DAB2: variants seen among roughly 807,000 people sequenced by gnomAD.
DAB2 encodes the protein DAB adaptor protein 2.
A neutral mutation model predicts 71.6 loss-of-function variants in DAB2; 28 were observed. That is an observed-to-expected ratio of 0.39 (90% confidence interval 0.29 to 0.54). The LOEUF is 0.54. Among genes scored for constraint, DAB2 ranks in the 20% least tolerant of loss-of-function variants. The pLI is 0.68. For missense variants in DAB2, 867 were observed against 928.8 expected, an observed-to-expected ratio of 0.93 and a Z score of 0.86; for synonymous variants, 345 against 339.7, an observed-to-expected ratio of 1.02 and a Z score of -0.17.
Position 39,390,426 on chromosome 5 carries a change from T to A in DAB2, c.462+18A>T, listed in dbSNP as rs1755200287. 1 of 1,612,494 alleles carries A rather than the reference T, an allele frequency of 6.2e-7. No homozygotes were observed. Among genetic ancestry groups the A allele is most frequent in the Non-Finnish European group, 8.5e-7 (1 of 1,179,402 alleles). On this transcript the variant is annotated intron_variant, in intron 5 of 14. Transcript: ENST00000320816. ...CAGAGGACAAGTCCCCAGGTCTATG[T>A]CAAGACTTAGAGCTCACCTGTTGCC... is the stretch of plus-strand genomic sequence containing the variant.
chr5:39,375,337 A>G (rs932148903), intron 13 of DAB2, among the ~76,000 whole-genome samples: 3 of 152,194 alleles, frequency 2.0e-5, no homozygotes, highest in Non-Finnish European at 2.9e-5. Context: ...TTCACAGGCT[A>G]TAGAAATATT....
chr5:39,381,060 T>C (rs1448617325), intron 11 of DAB2, among the ~76,000 whole-genome samples: 1 of 152,196 alleles, frequency 6.6e-6, no homozygotes, highest in Non-Finnish European at 1.5e-5. Context: ...TGAAAGGACA[T>C]AGGCCTTCGA....
Position 39,383,287 on chromosome 5 carries a change from A to G in DAB2, c.688-16T>C. The G allele has an allele frequency of 1.9e-6, 3 of 1,565,186 alleles. No homozygotes were observed. Among genetic ancestry groups the G allele is most frequent in the Non-Finnish European group, 2.6e-6 (3 of 1,154,284 alleles). On this transcript the variant is annotated splice_polypyrimidine_tract_variant and intron_variant, in intron 9 of 14. Transcript: ENST00000320816. ...CTTTGCTTTCCTATCACATTTGGAA[A>G]GAAAAAAAAAGAAAGTGTTAGTCCA...
intron 1 of DAB2, among the ~76,000 whole-genome samples, chr5:39,412,694 T>G (rs1441019087): frequency 6.6e-6 from 1 of 152,130 alleles, no homozygotes; most frequent in African/African-American, 2.4e-5. Context: ...CTAATGTTTA[T>G]TGTATACCAG....
At chr5:39,419,879 C>A (rs547403466) in intron 1 of DAB2, among the ~76,000 whole-genome samples, 4 of 152,320 alleles carry the variant, frequency 2.6e-5, no homozygotes, top group Non-Finnish European at 4.4e-5. Context: ...AATCTTTCTG[C>A]ATCCTAAGAT....
chr5:39,407,264 C>A (rs1217407340), intron 1 of DAB2, among the ~76,000 whole-genome samples: 1 of 152,114 alleles, frequency 6.6e-6, no homozygotes, highest in African/African-American at 2.4e-5. Context: ...CTGTTGCCCA[C>A]GCTGGAGTGC....
Position 39,377,203 on chromosome 5 carries a change from A to G in DAB2, c.1584T>C (p.Ala528=). 1.9e-6 allele frequency: 3 copies of G among 1,614,146 alleles called. No homozygotes were observed. Among genetic ancestry groups the G allele is most frequent in the Non-Finnish European group, 1.7e-6 (2 of 1,179,994 alleles). The change falls in exon 12 of 15, where the codon GCT becomes GCC. Residue 528 remains alanine, a synonymous_variant. Transcript: ENST00000320816. The stretch of plus-strand genomic sequence containing the variant: ...GTTGACCACCCATCATGGCTCCCGG[A>G]GCCATTGAAGGGGACTGATTGAAGA... ...SLVFNQSPSM[A]PGAMMGGQPS... is the part of the protein sequence containing the mutation.
At chr5:39,404,077 C>G (rs1289058011) in intron 1 of DAB2, among the ~76,000 whole-genome samples, 1 of 151,936 alleles carries the variant, frequency 6.6e-6, no homozygotes, top group African/African-American at 2.4e-5. Flanking sequence ...AATAGTGCCA[C>G]AATAAACATA....
intron 10 of DAB2, among the ~76,000 whole-genome samples, chr5:39,382,141 C>T (rs905628581): frequency 1.1e-4 from 17 of 152,024 alleles, no homozygotes; most frequent in African/African-American, 4.1e-4. Context: ...AATACATAAG[C>T]TTAGAAAAAG....
At chr5:39,421,929 G>A (rs34793804) in intron 1 of DAB2, among the ~76,000 whole-genome samples, 2 of 151,106 alleles carry the variant, frequency 1.3e-5, no homozygotes, top group Non-Finnish European at 2.9e-5. Context: ...TATTATCCAG[G>A]TATGGTGGCG....
chr5:39,404,389 T>C (rs1440310998), intron 1 of DAB2, among the ~76,000 whole-genome samples: 3 of 112,700 alleles, frequency 2.7e-5, no homozygotes, highest in African/African-American at 1.0e-4. Context: ...AAACTTAAAG[T>C]ATAATAAAAA....
chr5:39,381,663 G>GTGAA, intron 10 of DAB2, 47 bp from the exon 11 acceptor site: 1 of 1,603,070 alleles, frequency 6.2e-7, no homozygotes, highest in South Asian at 1.1e-5. Context: ...CTCACTAACA[G>GTGAA]TGAAATACAG....
intron 4 of DAB2, among the ~76,000 whole-genome samples, chr5:39,390,801 A>AT (rs1406171485): frequency 2.0e-5 from 3 of 152,240 alleles, no homozygotes; most frequent in Non-Finnish European, 2.9e-5. Context: ...CCTTCTTAAA[A>AT]TATTGATACT....
chr5:39,382,938 C>T lies in DAB2; in HGVS notation c.1021G>A (p.Asp341Asn). The change falls in exon 10 of 15, where the codon GAC (aspartate) becomes AAC (asparagine). Residue 341 changes from aspartate (D) to asparagine (N), a missense_variant. By Grantham distance (23) the Asp-to-Asn change is conservative. Around this residue, in one of 2 missense-constraint regions of DAB2, gnomAD observed 740 missense variants for 734.3 expected, o/e 1.01. Transcript: ENST00000320816. Reference sequence around the variant, plus strand: ...TGGTCAAATTGCTGACCAAAGTAGTCAACATCACCATTCAGGGGCCCATTA... The same window carrying T: ...TGGTCAAATTGCTGACCAAAGTAGTTAACATCACCATTCAGGGGCCCATTA... ...LSNGPLNGDV[D>N]YFGQQFDQIS... 6.2e-7 allele frequency: 1 copy of T among 1,614,090 alleles called. No homozygotes were observed. Among genetic ancestry groups the T allele is most frequent in the Non-Finnish European group, 8.5e-7 (1 of 1,180,022 alleles).
In DAB2 at chr5:39,422,107, AC is replaced by A. The variant is rs1756003967; in HGVS notation, c.-102+2696del. Among the ~76,000 whole-genome samples, 3 of 152,088 alleles carry A rather than the reference AC, an allele frequency of 2.0e-5. No individual in the cohort carries two copies. The highest frequency in any genetic ancestry group is 6.5e-5 in the Admixed American group (1 of 15,268). Reference sequence around the variant, plus strand: ...ACAAAACAAAACAAAAATCTGTTTCACCTAAATATGATTTTGGCCAACCTTT... The same window carrying A: ...ACAAAACAAAACAAAAATCTGTTTCACTAAATATGATTTTGGCCAACCTTT... On this transcript the variant is annotated intron_variant, in intron 1 of 14. Transcript: ENST00000320816. This position sits in a 1 kb window ranked among gnomAD's most constrained non-coding sequence, Gnocchi z 4.1.
chr5:39,417,961 C>T (rs779633805), intron 1 of DAB2: 3 of 152,192 alleles, frequency 2.0e-5, no homozygotes, highest in Non-Finnish European at 4.4e-5. Flanking sequence ...ACCCTCCTTA[C>T]TAGCAACCAA....
At position 39,393,293 on chromosome 5, in the gene DAB2, T is replaced by C; in HGVS notation, c.192A>G (p.Arg64=). The C allele has an allele frequency of 6.2e-7, 1 of 1,614,098 alleles. No homozygotes were observed. Among genetic ancestry groups the C allele is most frequent in the Non-Finnish European group, 8.5e-7 (1 of 1,179,978 alleles). Residue 64 remains arginine, a synonymous_variant, in exon 3 of 15, where the codon AGA becomes AGG. Transcript: ENST00000320816. ...LIGIDDVPDA[R]GDKMSQDSMM... is the part of the protein sequence containing the mutation. ...TAGAGTCTTGGCTCATTTTATCCCC[T>C]CTTGCATCTGGCACATCATCAATGC...
intron 9 of DAB2, among the ~76,000 whole-genome samples, chr5:39,384,754 C>T (rs1755058645): frequency 6.6e-6 from 1 of 151,924 alleles, no homozygotes; most frequent in African/African-American, 2.4e-5. Flanking sequence ...GACATCACTT[C>T]CTTCTGCTTG....
chr5:39,421,815 G>C (rs1195551077), intron 1 of DAB2, among the ~76,000 whole-genome samples: 1 of 151,876 alleles, frequency 6.6e-6, no homozygotes, highest in Non-Finnish European at 1.5e-5. Context: ...CCAGCACTTT[G>C]GGAGGCCGAG....
Sources: allele counts gnomAD v4.1 joint callset (sites outside exome capture counted in the v4.1 genomes callset), GRCh38; gene constraint gnomAD v4.1.1; regional missense constraint gnomAD v4.1.1; non-coding constraint Gnocchi (gnomAD v3.1); transcripts MANE v1.5; gene names NCBI Gene and HGNC (gene_info 2026-07-23, HGNC 2026-07-21).